The following ENPP3 variants were observed in gnomAD, a reference collection of about 807,000 sequenced individuals.
ENPP3 encodes ectonucleotide pyrophosphatase/phosphodiesterase family member 3.
A neutral mutation model predicts 117.8 loss-of-function variants in ENPP3; 104 were observed. The ratio of observed to expected loss-of-function variants is 0.88; its 90% CI spans 0.75 to 1.04. ENPP3 has a LOEUF of 1.04. ENPP3 is among the 50% of genes least tolerant of loss of function. The pLI is 0.00. For missense variants in ENPP3, 1,026 were observed against 1,051.9 expected, an observed-to-expected ratio of 0.98 and a Z score of 0.34; for synonymous variants, 380 against 349.9, an observed-to-expected ratio of 1.09 and a Z score of -0.96.
At chr6:131,654,486 A>G (rs1316851304) in intron 5 of ENPP3, among the ~76,000 whole-genome samples, 1 of 150,900 alleles carries the variant, frequency 6.6e-6, no homozygotes. Flanking sequence ...TCTGTTGCCC[A>G]GGTTGGAGTG....
At position 131,743,924 on chromosome 6, in the gene ENPP3, C is replaced by G. The variant is rs146012820; in HGVS notation, c.2458-2862C>G. Among the ~76,000 whole-genome samples the G allele has an allele frequency of 4.4e-3, 668 of 152,300 alleles. 20 individuals are homozygous for G. The highest frequency in any genetic ancestry group is 0.039 in the Admixed American group (595 of 15,294). ...CCAGAAAGTGTAGTACATTCACAAA[C>G]TGTTTCTTAGTAAGTCTAAACCAGC... On this transcript the variant is annotated intron_variant, in intron 24 of 24. Transcript: ENST00000357639.
Position 131,701,121 on chromosome 6 carries a change from G to A in ENPP3, c.1412+7497G>A, listed in dbSNP as rs748170154. The stretch of plus-strand genomic sequence containing the variant: ...CAGAAAGGTCTGCATCATGCGGCCC[G>A]CAAAGGAGATGGGCTTGGCTGGATG... On this transcript the variant is annotated intron_variant, in intron 15 of 24. Transcript: ENST00000357639. 4.2e-5 allele frequency: 27 copies of A among 642,362 alleles called. No individual in the cohort carries two copies. Among genetic ancestry groups the A allele is most frequent in the Admixed American group, 1.9e-4 (7 of 36,102 alleles). The allele number at this position is 642,362 out of a possible 1,614,324, so 39.8% of individuals were successfully genotyped here.
intron 6 of ENPP3, among the ~76,000 whole-genome samples, chr6:131,669,738 A>G (rs930753603): frequency 9.2e-5 from 14 of 151,754 alleles, no homozygotes; most frequent in African/African-American, 3.4e-4. Context: ...CTACCTTCCA[A>G]TCCCCATCAG....
At chr6:131,650,882 G>A (rs1257648713) in intron 3 of ENPP3, among the ~76,000 whole-genome samples, 3 of 151,996 alleles carry the variant, frequency 2.0e-5, no homozygotes, top group Non-Finnish European at 2.9e-5. Context: ...ACAGGATTAA[G>A]GTCTACCCTA....
At chr6:131,666,816 A>G (rs1778626105) in intron 6 of ENPP3, among the ~76,000 whole-genome samples, 1 of 152,248 alleles carries the variant, frequency 6.6e-6, no homozygotes, top group African/African-American at 2.4e-5. Flanking sequence ...CACGTTGGAC[A>G]AAACAGTCAC....
At chr6:131,650,247 T>G in intron 3 of ENPP3, 98 bp downstream of exon 3, 1 of 1,332,594 alleles carries the variant, frequency 7.5e-7, no homozygotes, top group South Asian at 1.3e-5. Flanking sequence ...TGAGACAGAG[T>G]GTCACTCTGT....
At chr6:131,663,766 T>C (rs150575152) in intron 6 of ENPP3, among the ~76,000 whole-genome samples, 302 of 152,214 alleles carry the variant, frequency 2.0e-3, no homozygotes, top group African/African-American at 6.6e-3. Flanking sequence ...GCATTATTCA[T>C]ATTTTTGTGG....
rs994834258 is a variant in ENPP3, at chr6:131,674,077, G to A, written c.643-85G>A. 3.8e-6 allele frequency: 3 copies of A among 785,108 alleles called. No homozygotes were observed. In the African/African-American group the frequency reaches 5.3e-5, roughly 14 times the overall value. The allele number at this position is 785,108 out of a possible 1,614,324, so 48.6% of individuals were successfully genotyped here. A position where few individuals can be genotyped will look rare whatever the true frequency, so the allele number is the denominator to read the frequency against. Reference sequence around the variant, plus strand: ...GGTATATAGTACCTTTCTTAGGTATGAGTAATAGATCGTGTGCTATTTTAA... The same window carrying A: ...GGTATATAGTACCTTTCTTAGGTATAAGTAATAGATCGTGTGCTATTTTAA... On this transcript the variant is annotated intron_variant, in intron 7 of 24. Transcript: ENST00000357639.
intron 15 of ENPP3, chr6:131,701,367 A>T: frequency 6.2e-7 from 1 of 1,613,928 alleles, no homozygotes; most frequent in Non-Finnish European, 8.5e-7. Flanking sequence ...TCCCAGTAGG[A>T]GGAACTCTCT....
intron 5 of ENPP3, among the ~76,000 whole-genome samples, chr6:131,654,583 T>C (rs1281056949): frequency 1.3e-5 from 2 of 152,084 alleles, no homozygotes; most frequent in Non-Finnish European, 2.9e-5. Context: ...GGTGGGACTA[T>C]AAGCATGTGC....
chr6:131,645,797 C>T (rs1466750132), intron 2 of ENPP3, among the ~76,000 whole-genome samples: 3 of 151,812 alleles, frequency 2.0e-5, no homozygotes, highest in African/African-American at 7.3e-5. Flanking sequence ...ATTAGTGATC[C>T]TTTGTAGGTT....
chr6:131,747,006 CA>C lies in ENPP3; in HGVS notation c.*54del. On this transcript the variant is annotated 3_prime_UTR_variant, in exon 25 of 25. Coordinates refer to ENST00000357639, the MANE Select transcript of ENPP3 (RefSeq NM_005021.5). ...AATTTACTGTATAAAGTAATTTTGG[CA>C]AAATATAAGTGATTTTTTTCTGGAG... 3 of 1,036,474 alleles carry C rather than the reference CA, an allele frequency of 2.9e-6. No individual in the cohort carries two copies. The highest frequency in any genetic ancestry group is 1.7e-5 in the African/African-American group (1 of 59,196). 64.2% of individuals were successfully genotyped at this position (1,036,474 alleles called of 1,614,324 possible). A position where few individuals can be genotyped will look rare whatever the true frequency, so the allele number is the denominator to read the frequency against.
intron 12 of ENPP3, 46 bp from the exon 13 acceptor site, chr6:131,685,318 C>A: frequency 1.3e-6 from 2 of 1,508,968 alleles, no homozygotes; most frequent in South Asian, 2.4e-5. Context: ...CAACCGTTGC[C>A]ATTTATATAC....
intron 5 of ENPP3, among the ~76,000 whole-genome samples, chr6:131,656,373 T>A (rs1331903991): frequency 6.6e-6 from 1 of 152,236 alleles, no homozygotes; most frequent in Non-Finnish European, 1.5e-5. Context: ...TCATGATTTG[T>A]GTATATAAAG....
chr6:131,671,586 A>G (rs1247237252), intron 7 of ENPP3, among the ~76,000 whole-genome samples: 1 of 152,198 alleles, frequency 6.6e-6, no homozygotes, highest in East Asian at 1.9e-4. Flanking sequence ...CTTTGATGTG[A>G]GAAATACCAT....
Position 131,639,265 on chromosome 6 carries a change from A to ATATATATTTT in ENPP3, c.78+1804_78+1805insATATATTTTT, listed in dbSNP as rs371737976. ...TATGCTAATATATATATATATATATATTTTTTTTTTTTTCTCTCTCTCTTT... is the reference window on the plus strand; with the variant it reads ...TATGCTAATATATATATATATATATATATATATTTTTTTTTTTTTTTTTCTCTCTCTCTTT... On this transcript the variant is annotated intron_variant, in intron 1 of 24. Transcript: ENST00000357639. Among the ~76,000 whole-genome samples, 83 of 107,174 alleles carry ATATATATTTT rather than the reference A, an allele frequency of 7.7e-4. No homozygotes were observed. The South Asian group carries it at 1.0e-2, about 13-fold the overall frequency. The allele number at this position is 107,174 out of a possible 152,430, so 70.3% of individuals were successfully genotyped here. A position where few individuals can be genotyped will look rare whatever the true frequency, so the allele number is the denominator to read the frequency against.
At chr6:131,692,503 T>G (rs1779301350) in intron 14 of ENPP3, among the ~76,000 whole-genome samples, 1 of 151,414 alleles carries the variant, frequency 6.6e-6, no homozygotes, top group Admixed American at 6.6e-5. Context: ...GGAAAGTACT[T>G]TTTTGTGCAA....
chr6:131,693,667 C>T (rs1217612390), intron 15 of ENPP3, 43 bp downstream of exon 15: 4 of 1,577,810 alleles, frequency 2.5e-6, no homozygotes, highest in African/African-American at 2.7e-5. Flanking sequence ...CTTTAATAAC[C>T]ATTTGTCATT....
intron 6 of ENPP3, among the ~76,000 whole-genome samples, chr6:131,659,503 A>G (rs933116247): frequency 6.6e-6 from 1 of 151,830 alleles, no homozygotes; most frequent in South Asian, 2.1e-4. Flanking sequence ...TTTTTCTTCA[A>G]GTTATTAAAA....
Sources: gnomAD v4.1 joint callset for allele counts (sites outside exome capture counted in the v4.1 genomes callset) on GRCh38, gnomAD v4.1.1 for gene constraint, MANE v1.5 for transcripts, NCBI Gene and HGNC (gene_info 2026-07-23, HGNC 2026-07-21) for gene names.